The following PPA2 variants were observed in gnomAD, a reference collection of about 807,000 sequenced individuals.
The protein encoded by PPA2 is inorganic pyrophosphatase 2.
In PPA2, 48 loss-of-function variants were observed where a neutral mutation model predicts 49.5. The observed-to-expected ratio is 0.97, with a 90% CI of 0.77 to 1.23. The LOEUF (loss-of-function observed/expected upper bound fraction) is 1.23, where lower values mean the gene tolerates loss of function less well. Among genes scored for constraint, PPA2 ranks in the 50% most tolerant of loss-of-function variants. The pLI is 0.00. For synonymous variants in PPA2, 131 were observed against 139.9 expected (o/e 0.94, Z 0.45); for missense variants, 429 against 410.1 (o/e 1.05, Z -0.40).
At chr4:105,466,037 A>G (rs1723287349) in intron 1 of PPA2, among the ~76,000 whole-genome samples, 1 of 151,984 alleles carries the variant, frequency 6.6e-6, no homozygotes, top group African/African-American at 2.4e-5. Flanking sequence ...TCTTTTTCTT[A>G]GGACTGCTGC....
rs1732939014 is a variant in PPA2 at position 105,369,557 on chromosome 4, G to A, written c.*168C>T. On this transcript the variant is annotated 3_prime_UTR_variant, in exon 12 of 12. Transcript: ENST00000341695. Reference sequence around the variant, plus strand: ...TTTTTATATCAATAAATGTCCAAAGGAGAGTAATTTAAAATTCTTACTGTT... The same window carrying A: ...TTTTTATATCAATAAATGTCCAAAGAAGAGTAATTTAAAATTCTTACTGTT... 3.3e-6 allele frequency: 2 copies of A among 614,816 alleles called. No individual in the cohort carries two copies. Among genetic ancestry groups the A allele is most frequent in the Non-Finnish European group, 5.6e-6 (2 of 355,112 alleles). The allele number at this position is 614,816 out of a possible 1,614,324, so 38.1% of individuals were successfully genotyped here.
intron 5 of PPA2, among the ~76,000 whole-genome samples, chr4:105,442,050 G>C (rs1724396809): frequency 1.3e-5 from 2 of 150,722 alleles, no homozygotes; most frequent in South Asian, 4.2e-4. Context: ...TGCCACCCAG[G>C]CTGAAGAACA....
rs1011903716 is a variant in PPA2 at position 105,405,342 on chromosome 4, TTATAG to T, written c.656-6183_656-6179del. On this transcript the variant is annotated intron_variant, in intron 7 of 11. Coordinates refer to ENST00000341695, the MANE Select transcript of PPA2 (RefSeq NM_176869.3). ...TTGCTATACACATATAGTTTTTCAC[TTATAG>T]TAAAGACCCTAAATGAATTTGTAAT... is the stretch of plus-strand genomic sequence containing the variant. The T allele has an allele frequency of 5.2e-5, 40 of 766,238 alleles. No individual in the cohort carries two copies. In the East Asian group the frequency reaches 6.4e-4, roughly 12 times the overall value. The allele number at this position is 766,238 out of a possible 1,614,324, so 47.5% of individuals were successfully genotyped here.
rs985769552 is a variant in PPA2 at position 105,430,039 on chromosome 4, C to T, written c.529-5717G>A. Reference sequence around the variant, plus strand: ...TGCATTCTTTGTATATATCCTTTTACTTTTAAAGGTTTAGTTGGCTATAGA... The same window carrying T: ...TGCATTCTTTGTATATATCCTTTTATTTTTAAAGGTTTAGTTGGCTATAGA... On this transcript the variant is annotated intron_variant, in intron 6 of 11. Transcript: ENST00000341695. Among the ~76,000 whole-genome samples the T allele has an allele frequency of 3.9e-5, 6 of 152,164 alleles. No individual in the cohort carries two copies. The East Asian group carries it at 1.2e-3, about 29-fold the overall frequency.
rs922854941 is a variant in PPA2 at position 105,438,027 on chromosome 4, C to G, written c.451G>C (p.Asp151His). The G allele has an allele frequency of 6.2e-7, 1 of 1,600,272 alleles. No homozygotes were observed. Among genetic ancestry groups the G allele is most frequent in the Non-Finnish European group, 8.5e-7 (1 of 1,176,242 alleles). ...GTGCTCTTATCTTTTTCATGGGGAT[C>G]TTCCCAAGTCTAAAATTTTTTTTTT... ...NYGTLPQTWE[D>H]PHEKDKSTNC... The change falls in exon 6 of 12, where the codon GAT becomes CAT. Residue 151 changes from aspartate (D) to histidine (H), a missense_variant. Coordinates refer to ENST00000341695, the MANE Select transcript of PPA2 (RefSeq NM_176869.3).
intron 1 of PPA2, among the ~76,000 whole-genome samples, chr4:105,466,834 C>T (rs983968361): frequency 2.0e-5 from 3 of 152,164 alleles, no homozygotes; most frequent in Admixed American, 6.5e-5. Context: ...GGGAAAGGGA[C>T]CATGTGCAAC....
At chr4:105,418,405 T>C (rs1301208164) in intron 7 of PPA2, among the ~76,000 whole-genome samples, 2 of 152,214 alleles carry the variant, frequency 1.3e-5, no homozygotes, top group African/African-American at 4.8e-5. Context: ...TTAAGCCAAA[T>C]AGATTGTGTC....
At chr4:105,473,457 T>C (rs1560649550) in intron 1 of PPA2, 1 of 383,344 alleles carries the variant, frequency 2.6e-6, no homozygotes, top group Non-Finnish European at 5.1e-6. Context: ...GCTCCCGCAG[T>C]AGGAGGTTTC....
intron 5 of PPA2, among the ~76,000 whole-genome samples, chr4:105,443,668 C>T (rs1724478019): frequency 6.6e-6 from 1 of 151,512 alleles, no homozygotes; most frequent in African/African-American, 2.4e-5. Context: ...CTCTCTCTCT[C>T]CAAGATCAGT....
chr4:105,427,410 G>A (rs1723568309), intron 6 of PPA2, among the ~76,000 whole-genome samples: 1 of 152,094 alleles, frequency 6.6e-6, no homozygotes, highest in African/African-American at 2.4e-5. Context: ...CCGAGCTAGA[G>A]GAGCACGTTC....
chr4:105,399,311 CATT>C (rs1734268193), intron 7 of PPA2, 147 bp from the exon 8 acceptor site: 2 of 676,826 alleles, frequency 3.0e-6, no homozygotes, highest in South Asian at 4.4e-5. Flanking sequence ...GCAGCATCAT[CATT>C]GATATGTATA....
At chr4:105,443,444 GA>G (rs11351997) in intron 5 of PPA2, among the ~76,000 whole-genome samples, 61,908 of 104,656 alleles carry the variant, frequency 0.59, 15,293 homozygotes, top group East Asian at 0.69. Flanking sequence ...CCATCAAGCA[GA>G]AAAAAAAAAA....
intron 10 of PPA2, among the ~76,000 whole-genome samples, chr4:105,378,987 C>T (rs183055303): frequency 3.3e-5 from 5 of 152,070 alleles, no homozygotes; most frequent in African/African-American, 1.2e-4. Flanking sequence ...ATTCTAGGTC[C>T]TTAGTATTTA....
chr4:105,435,499 A>G (rs569958568), intron 6 of PPA2, among the ~76,000 whole-genome samples: 293 of 152,254 alleles, frequency 1.9e-3, no homozygotes, highest in African/African-American at 6.5e-3. Context: ...CGGATTCATA[A>G]AAAAACTACT....
chr4:105,395,353 A>AT (rs34540495), intron 9 of PPA2, among the ~76,000 whole-genome samples: 56,763 of 151,938 alleles, frequency 0.37, 12,565 homozygotes, highest in East Asian at 0.68. Context: ...ACTCTATCGT[A>AT]TTCATAGTGT....
In PPA2 at chr4:105,395,090, G is replaced by A. The variant is rs78110839; in HGVS notation, c.869+1159C>T. On this transcript the variant is annotated intron_variant, in intron 9 of 11. Transcript: ENST00000341695. ...TTTAAGATTATGCTTAAAAAAAAAA[G>A]AGTGCTCTGCATACGAGGTAAGAAA... is the stretch of plus-strand genomic sequence containing the variant. 5.1e-3 allele frequency among the ~76,000 whole-genome samples: 778 copies of A among 151,806 alleles called. 2 individuals are homozygous for A. The highest frequency in any genetic ancestry group is 7.8e-3 in the Non-Finnish European group (533 of 67,926).
At chr4:105,473,778 G>A (rs780521515) in intron 1 of PPA2, 116 bp downstream of exon 1, 1 of 1,442,480 alleles carries the variant, frequency 6.9e-7, no homozygotes, top group African/African-American at 1.4e-5. Flanking sequence ...GGCTACCGCT[G>A]AGGGCCCCAA....
chr4:105,459,860 G>T (rs1055856299), intron 1 of PPA2, among the ~76,000 whole-genome samples: 1 of 152,166 alleles, frequency 6.6e-6, no homozygotes, highest in Non-Finnish European at 1.5e-5. Flanking sequence ...CAAAACTATA[G>T]GATAAAGTGC....
At chr4:105,423,846 C>G (rs553215916) in intron 7 of PPA2, among the ~76,000 whole-genome samples, 1 of 151,974 alleles carries the variant, frequency 6.6e-6, no homozygotes, top group Non-Finnish European at 1.5e-5. Context: ...GGTAAAAATG[C>G]CAGTATCGTA....
Sources: allele counts gnomAD v4.1 joint callset (sites outside exome capture counted in the v4.1 genomes callset), GRCh38; gene constraint gnomAD v4.1.1; transcripts MANE v1.5; gene names NCBI Gene and HGNC (gene_info 2026-07-23, HGNC 2026-07-21).